Variants in DISP3 observed in about 807,000 individuals in gnomAD.
The protein encoded by DISP3 is protein dispatched homolog 3.
DISP3 carries 101 observed loss-of-function variants against 135.3 expected under a neutral mutation model. The observed-to-expected ratio is 0.75, with a 90% CI of 0.64 to 0.88. The LOEUF (loss-of-function observed/expected upper bound fraction) is 0.88. Ranked by LOEUF, DISP3 falls within the 40% of genes least tolerant of loss-of-function variation. DISP3 has a pLI of 0.00. For missense variants in DISP3, 1,713 were observed against 1,878.6 expected (o/e 0.91, Z 1.63); for synonymous variants, 856 against 817.0 (o/e 1.05, Z -0.81).
intron 1 of DISP3, chr1:11,481,548 G>C (rs1039377203): frequency 6.6e-6 from 1 of 152,258 alleles, no homozygotes; most frequent in Non-Finnish European, 1.5e-5. Flanking sequence ...GCATGGTGTG[G>C]TGGAAGGAGC....
intron 1 of DISP3, among the ~76,000 whole-genome samples, chr1:11,497,837 C>T (rs1641380297): frequency 6.6e-6 from 1 of 152,128 alleles, no homozygotes; most frequent in Non-Finnish European, 1.5e-5. Context: ...GCTGTTAATT[C>T]ATTTGTCCAG....
chr1:11,531,142 G>A lies in DISP3; in HGVS notation c.3229+109G>A. On this transcript the variant is annotated intron_variant, in intron 16 of 20. Transcript: ENST00000294484. This position sits in a 1 kb window ranked among gnomAD's most constrained non-coding sequence, Gnocchi z 5.2. ...GCCCGAAGGACAGTGTCTGGCATGT[G>A]GGGGTCTTTTGCAGATGTGTATCTG... 2 of 1,517,632 alleles carry A rather than the reference G, an allele frequency of 1.3e-6. No homozygotes were observed. The highest frequency in any genetic ancestry group is 2.4e-5 in the South Asian group (2 of 81,728). 94.0% of individuals were successfully genotyped at this position (1,517,632 alleles called of 1,614,324 possible).
In DISP3 at chr1:11,536,994, G is replaced by A; in HGVS notation, c.*308G>A. 2.5e-6 allele frequency: 1 copy of A among 395,912 alleles called. No homozygotes were observed. The highest frequency in any genetic ancestry group is 4.4e-5 in the East Asian group (1 of 22,660). 24.5% of individuals were successfully genotyped at this position (395,912 alleles called of 1,614,324 possible). ...TGGGGGTCAGGTTATTTTTGTAGGG[G>A]GTCTCCCTCTCACACTGCCTCAGTG... On this transcript the variant is annotated 3_prime_UTR_variant, in exon 21 of 21. Transcript: ENST00000294484. This position sits in a 1 kb window ranked among gnomAD's most constrained non-coding sequence, Gnocchi z 4.3.
intron 20 of DISP3, among the ~76,000 whole-genome samples, chr1:11,535,966 A>C (rs1642697267): frequency 1.3e-5 from 2 of 152,150 alleles, no homozygotes; most frequent in Non-Finnish European, 2.9e-5. Context: ...AGAGGCCACA[A>C]GTCTGCTCCA....
chr1:11,534,721 G>A, intron 18 of DISP3, 181 bp downstream of exon 18: 1 of 834,424 alleles, frequency 1.2e-6, no homozygotes, highest in South Asian at 1.7e-5. Context: ...TCCTGTCGGG[G>A]GCATCTGGCC....
Position 11,536,277 on chromosome 1 carries a change from G to A in DISP3, c.3817-47G>A, listed in dbSNP as rs1642703279. The A allele has an allele frequency of 6.4e-7, 1 of 1,564,684 alleles. No individual in the cohort carries two copies. Among genetic ancestry groups the A allele is most frequent in the Non-Finnish European group, 8.6e-7 (1 of 1,162,284 alleles). On this transcript the variant is annotated intron_variant, in intron 20 of 20. Coordinates refer to ENST00000294484, the MANE Select transcript of DISP3 (RefSeq NM_020780.2). This position sits in a 1 kb window ranked among gnomAD's most constrained non-coding sequence, Gnocchi z 4.3. Reference sequence around the variant, plus strand: ...CGTGATTCCCCAGGTGCTGGCCAGAGGGGTCCCGCAGGCAGGCTGGGCTCC... The same window carrying A: ...CGTGATTCCCCAGGTGCTGGCCAGAAGGGTCCCGCAGGCAGGCTGGGCTCC...
chr1:11,485,640 G>A (rs540736335), intron 1 of DISP3, among the ~76,000 whole-genome samples: 15 of 152,268 alleles, frequency 9.9e-5, no homozygotes, highest in African/African-American at 3.6e-4. Context: ...TCTGTTCTTC[G>A]TTGGGGAGCT....
At position 11,535,528 on chromosome 1, in the gene DISP3, G is replaced by A. The variant is rs1163368504; in HGVS notation, c.3700G>A (p.Gly1234Arg). Residue 1234 changes from glycine to arginine, a missense_variant, in exon 20 of 21, where the codon GGG becomes AGG. Around this residue, in one of 2 missense-constraint regions of DISP3, gnomAD observed 1,142 missense variants for 1,384.6 expected, o/e 0.82. Coordinates refer to ENST00000294484, the MANE Select transcript of DISP3 (RefSeq NM_020780.2). Reference sequence around the variant, plus strand: ...CATGTACTGGAGCGGCTGGGAGATGGGGGCTGTGGAAGCCATCTCCCTGTC... The same window carrying A: ...CATGTACTGGAGCGGCTGGGAGATGAGGGCTGTGGAAGCCATCTCCCTGTC... ...TIMYWSGWEMGAVEAISLSIL... is the reference protein window; with the variant it reads ...TIMYWSGWEMRAVEAISLSIL... 1 of 1,612,930 alleles carries A rather than the reference G, an allele frequency of 6.2e-7. No individual in the cohort carries two copies.
rs2100509097 is a variant in DISP3 at position 11,529,518 on chromosome 1, C to T, written c.2799-38C>T. On this transcript the variant is annotated intron_variant, in intron 13 of 20. Coordinates refer to ENST00000294484, the MANE Select transcript of DISP3 (RefSeq NM_020780.2). This position sits in a 1 kb window ranked among gnomAD's most constrained non-coding sequence, Gnocchi z 4.7. The stretch of plus-strand genomic sequence containing the variant: ...CCTCACCTCCCCTGACTCCTCCTAG[C>T]CTTTCCGGCCTCAGCCCAGCCTCCA... 6.5e-7 allele frequency: 1 copy of T among 1,531,070 alleles called. No individual in the cohort carries two copies. Among genetic ancestry groups the T allele is most frequent in the Non-Finnish European group, 8.8e-7 (1 of 1,136,768 alleles). The allele number at this position is 1,531,070 out of a possible 1,614,324, so 94.8% of individuals were successfully genotyped here.
intron 2 of DISP3, among the ~76,000 whole-genome samples, chr1:11,502,321 G>A (rs1049299856): frequency 6.6e-6 from 1 of 152,220 alleles, no homozygotes. Flanking sequence ...ATGGTGGGGG[G>A]TTCTGCTGTG....
chr1:11,483,611 C>T lies in DISP3; in HGVS notation c.-4+4239C>T, dbSNP rs557004258. 1.3e-5 allele frequency among the ~76,000 whole-genome samples: 2 copies of T among 152,270 alleles called. No homozygotes were observed. The highest frequency in any genetic ancestry group is 2.9e-5 in the Non-Finnish European group (2 of 68,024). On this transcript the variant is annotated intron_variant, in intron 1 of 20. Coordinates refer to ENST00000294484, the MANE Select transcript of DISP3 (RefSeq NM_020780.2). The surrounding 1 kb of genome is among the most constrained non-coding windows in gnomAD (Gnocchi z 5.4). The stretch of plus-strand genomic sequence containing the variant: ...TGTCATTCAATAAATATTTTCTTGT[C>T]GAGAAACCTGTTTATATGATGGGTT...
At chr1:11,530,403 A>T (rs1642546037) in intron 15 of DISP3, among the ~76,000 whole-genome samples, 1 of 152,116 alleles carries the variant, frequency 6.6e-6, no homozygotes. Context: ...GGTGCTAAGG[A>T]TTCCTAGGAG....
intron 3 of DISP3, among the ~76,000 whole-genome samples, chr1:11,505,841 G>A (rs985361268): frequency 2.4e-4 from 37 of 151,994 alleles, no homozygotes; most frequent in African/African-American, 7.5e-4. Context: ...CATATTTACC[G>A]TTTCTGTTGG....
chr1:11,528,768 T>C (rs1642497556), intron 13 of DISP3, among the ~76,000 whole-genome samples: 2 of 152,194 alleles, frequency 1.3e-5, no homozygotes, highest in Admixed American at 1.3e-4. Flanking sequence ...GCACGGGGAC[T>C]GTGGTCTCCG....
chr1:11,528,303 T>C (rs988654952), intron 13 of DISP3, among the ~76,000 whole-genome samples: 6 of 152,138 alleles, frequency 3.9e-5, no homozygotes, highest in African/African-American at 1.4e-4. Flanking sequence ...CTGCATTCTG[T>C]GCTCTCGGGA....
chr1:11,537,020 C>T lies in DISP3; in HGVS notation c.*334C>T. On this transcript the variant is annotated 3_prime_UTR_variant, in exon 21 of 21. Transcript: ENST00000294484. ...GTCTCCCTCTCACACTGCCTCAGTG[C>T]TCACAACCTTCCAGTGTGGATGTTA... 1 of 315,518 alleles carries T rather than the reference C, an allele frequency of 3.2e-6. No homozygotes were observed. The highest frequency in any genetic ancestry group is 5.9e-6 in the Non-Finnish European group (1 of 169,820). 19.5% of individuals were successfully genotyped at this position (315,518 alleles called of 1,614,324 possible).
chr1:11,535,911 A>T (rs1642696323), intron 20 of DISP3, among the ~76,000 whole-genome samples: 1 of 152,054 alleles, frequency 6.6e-6, no homozygotes, highest in Admixed American at 6.6e-5. Context: ...CTCCTGCTTC[A>T]CACTGCCCCA....
At chr1:11,530,098 C>T (rs552324457) in intron 15 of DISP3, 139 bp downstream of exon 15, 2 of 1,172,754 alleles carry the variant, frequency 1.7e-6, no homozygotes, top group African/African-American at 1.5e-5. Context: ...AGACAGAACC[C>T]CTATGGGCCC....
intron 1 of DISP3, among the ~76,000 whole-genome samples, chr1:11,493,716 T>C (rs568163449): frequency 6.8e-6 from 1 of 148,142 alleles, no homozygotes; most frequent in Non-Finnish European, 1.5e-5. Context: ...AGAGCAAGAC[T>C]CCATCTCAAA....
Sources: gnomAD v4.1 joint callset for allele counts (sites outside exome capture counted in the v4.1 genomes callset) on GRCh38, gnomAD v4.1.1 for gene constraint, gnomAD v4.1.1 regional missense constraint, Gnocchi (gnomAD v3.1) non-coding constraint, MANE v1.5 for transcripts, NCBI Gene and HGNC (gene_info 2026-07-23, HGNC 2026-07-21) for gene names.